SIGIRR: variants seen among roughly 807,000 people sequenced by gnomAD.
SIGIRR encodes the protein single Ig IL-1-related receptor.
A neutral mutation model predicts 45.6 loss-of-function variants in SIGIRR; 41 were observed. The observed-to-expected ratio is 0.90, with a 90% CI of 0.70 to 1.17. The LOEUF (loss-of-function observed/expected upper bound fraction) is 1.17, where lower values mean the gene tolerates loss of function less well. Ranked by LOEUF, SIGIRR falls within the 50% of genes most tolerant of loss-of-function variation. The probability of loss-of-function intolerance (pLI) is 0.00; values close to 1 mark genes in which losing one functional copy is unlikely to be tolerated. For missense variants in SIGIRR, 599 were observed against 539.6 expected, an observed-to-expected ratio of 1.11 and a Z score of -1.09; for synonymous variants, 298 against 239.0, an observed-to-expected ratio of 1.25 and a Z score of -2.28.
chr11:407,770 G>C, intron 5 of SIGIRR, 47 bp downstream of exon 5: 1 of 1,609,532 alleles, frequency 6.2e-7, no homozygotes, highest in Non-Finnish European at 8.5e-7. Flanking sequence ...CGCACTCTCA[G>C]GGAGGCCGTG....
rs753843666 is a variant in SIGIRR, at chr11:407,133, G to A, written c.657C>T (p.Ser219=). 3.2e-6 allele frequency: 5 copies of A among 1,552,940 alleles called. No individual in the cohort carries two copies. The highest frequency in any genetic ancestry group is 3.5e-6 in the Non-Finnish European group (4 of 1,156,736). The change falls in exon 7 of 10, where the codon AGC becomes AGT. Residue 219 remains serine (S), a synonymous_variant. Coordinates refer to ENST00000431843, the MANE Select transcript of SIGIRR (RefSeq NM_001135054.2). ...EPSADLLVNL[S]RCRRLIVVLS... ...GCACCACGATGAGGCGTCGGCAGCG[G>A]CTCAGGTTCACCAAGAGGTCGGCGG...
chr11:410,087 CG>C lies in SIGIRR; in HGVS notation c.-153-61del, dbSNP rs1847517091. On this transcript the variant is annotated intron_variant, in intron 1 of 9. Transcript: ENST00000431843. ...ACAGGATGAGTTAACCAGTAACTGC[CG>C]GCCACAGACAGCACTGGCCCTGACC... 4.9e-6 allele frequency: 6 copies of C among 1,227,778 alleles called. No individual in the cohort carries two copies. The South Asian group carries it at 2.5e-4, about 50-fold the overall frequency. 76.1% of individuals were successfully genotyped at this position (1,227,778 alleles called of 1,614,324 possible). A position where few individuals can be genotyped will look rare whatever the true frequency, so the allele number is the denominator to read the frequency against.
At chr11:407,621 T>G in intron 5 of SIGIRR, 53 bp from the exon 6 acceptor site, 13 of 1,588,228 alleles carry the variant, frequency 8.2e-6, no homozygotes, top group Non-Finnish European at 1.1e-5. Flanking sequence ...ACACCAGCCC[T>G]CGGGGTCCCC....
intron 2 of SIGIRR, chr11:409,312 CAG>C (rs1229151838): frequency 5.7e-6 from 2 of 352,424 alleles, no homozygotes; most frequent in African/African-American, 2.1e-5. Context: ...GGGGAATCTG[CAG>C]AGAGTGTGGG....
In SIGIRR at chr11:407,415, C is replaced by A. The variant is rs1416389931; in HGVS notation, c.625+10G>T. On this transcript the variant is annotated intron_variant, in intron 6 of 9. Coordinates refer to ENST00000431843, the MANE Select transcript of SIGIRR (RefSeq NM_001135054.2). The stretch of plus-strand genomic sequence containing the variant: ...CGGGTGGGCGGGGCACGGGGTGGGG[C>A]CCGGGATACCAGCGCGCGGCAGGAG... The A allele has an allele frequency of 6.5e-7, 1 of 1,534,834 alleles. No homozygotes were observed. The highest frequency in any genetic ancestry group is 2.0e-5 in the Admixed American group (1 of 50,562).
rs775625507 is a variant in SIGIRR at position 405,954 on chromosome 11, G to A, written c.1175C>T (p.Ser392Leu). 39 of 1,611,968 alleles carry A rather than the reference G, an allele frequency of 2.4e-5. No individual in the cohort carries two copies. Among genetic ancestry groups the A allele is most frequent in the South Asian group, 4.4e-5 (4 of 91,070 alleles). The change falls in exon 10 of 10, where the codon TCG becomes TTG. Residue 392 changes from serine to leucine, a missense_variant. By Grantham distance (145) the Ser-to-Leu change is moderately radical (BLOSUM62 -2). Coordinates refer to ENST00000431843, the MANE Select transcript of SIGIRR (RefSeq NM_001135054.2). ...GTCTGTGCGGGCACTGTAGTTTCGC[G>A]AGCCGAGATCCGAGACGTCCACTTC... ...SSEVDVSDLG[S>L]RNYSARTDFY...
At position 407,425 on chromosome 11, in the gene SIGIRR, C is replaced by A; in HGVS notation, c.625G>T (p.Glu209Ter). ...LDDRDLLPRA[E>*]PSADLLVNLS... is the part of the protein sequence containing the mutation. ...GGGCACGGGGTGGGGCCCGGGATAC[C>A]AGCGCGCGGCAGGAGGTCGCGGTCG... Residue 209 changes from glutamate to a stop codon, truncating the protein, a stop_gained and splice_region_variant, in exon 6 of 10, where the codon GAG (glutamate) becomes TAG (stop). Transcript: ENST00000431843. LOFTEE classifies it high-confidence loss of function. The A allele has an allele frequency of 6.5e-7, 1 of 1,544,534 alleles. No individual in the cohort carries two copies. The highest frequency in any genetic ancestry group is 8.7e-7 in the Non-Finnish European group (1 of 1,144,362).
In SIGIRR at chr11:408,897, AAG is replaced by A. The variant is rs1377577930; in HGVS notation, c.8-6_8-5del. 6.2e-7 allele frequency: 1 copy of A among 1,612,322 alleles called. No individual in the cohort carries two copies. Among genetic ancestry groups the A allele is most frequent in the Admixed American group, 1.7e-5 (1 of 60,012 alleles). ...TCAGGGGCCCTATCACAGACACCTG[AAG>A]AGAGAGGACACAGTGGGTCAGCTGT... On this transcript the variant is annotated splice_region_variant and splice_polypyrimidine_tract_variant and intron_variant, in intron 2 of 9. Coordinates refer to ENST00000431843, the MANE Select transcript of SIGIRR (RefSeq NM_001135054.2).
upstream of SIGIRR, among the ~76,000 whole-genome samples, chr11:416,859 G>A (rs1847899396): frequency 6.6e-6 from 1 of 152,102 alleles, no homozygotes; most frequent in Non-Finnish European, 1.5e-5. The surrounding 1 kb of genome is among the most constrained non-coding windows in gnomAD (Gnocchi z 9.1). Context: ...GGCTCGGGGC[G>A]CTCGGCCGGG....
In SIGIRR at chr11:407,559, A is replaced by T. The variant is rs758976065; in HGVS notation, c.491T>A (p.Leu164His). The change falls in exon 6 of 10, where the codon CTC becomes CAC. Residue 164 changes from leucine (L) to histidine (H), a missense_variant. Physicochemically the swap from Leu to His is moderately conservative, Grantham distance 99 (BLOSUM62 -3). Transcript: ENST00000431843. ...GCTGTAGGAGACGTAGGCGTCGTAGAGCTTCCCGTCTGCGGACGGCGGCCA... is the reference window on the plus strand; with the variant it reads ...GCTGTAGGAGACGTAGGCGTCGTAGTGCTTCCCGTCTGCGGACGGCGGCCA... ...YGEVEINDGK[L>H]YDAYVSYSDC... 4 of 1,607,702 alleles carry T rather than the reference A, an allele frequency of 2.5e-6. No individual in the cohort carries two copies. The Admixed American group carries it at 6.7e-5, about 27-fold the overall frequency.
rs746717312 is a variant in SIGIRR, at chr11:407,450, G to A, written c.600C>T (p.Asp200=). The A allele has an allele frequency of 1.9e-5, 29 of 1,556,696 alleles. No individual in the cohort carries two copies. In the African/African-American group the frequency reaches 2.7e-4, roughly 15 times the overall value. ...CAGCGCGCGGCAGGAGGTCGCGGTC[G>A]TCCAGGAAGAGCTTGTAGCCCCGAC... ...ERRRGYKLFL[D]DRDLLPRAEP... The change falls in exon 6 of 10, where the codon GAC becomes GAT. Residue 200 remains aspartate, a synonymous_variant. Transcript: ENST00000431843.
chr11:407,334 G>T lies in SIGIRR; in HGVS notation c.625+91C>A, dbSNP rs1267481525. 70 of 1,111,652 alleles carry T rather than the reference G, an allele frequency of 6.3e-5. No homozygotes were observed. In the African/African-American group the frequency reaches 1.1e-3, roughly 18 times the overall value. The allele number at this position is 1,111,652 out of a possible 1,614,324, so 68.9% of individuals were successfully genotyped here. A position where few individuals can be genotyped will look rare whatever the true frequency, so the allele number is the denominator to read the frequency against. Reference sequence around the variant, plus strand: ...GGCGGGGATGGGGGCGGAGCTCGATGGTGGGGGTGGGGCCCCGGGTGGGAC... The same window carrying T: ...GGCGGGGATGGGGGCGGAGCTCGATTGTGGGGGTGGGGCCCCGGGTGGGAC... On this transcript the variant is annotated intron_variant, in intron 6 of 9. Coordinates refer to ENST00000431843, the MANE Select transcript of SIGIRR (RefSeq NM_001135054.2).
At chr11:407,258 GA>G (rs1171852163) in intron 6 of SIGIRR, 94 bp from the exon 7 acceptor site, 2 of 620,656 alleles carry the variant, frequency 3.2e-6, no homozygotes, top group African/African-American at 4.6e-5. Flanking sequence ...AGCTCTAAGG[GA>G]GGGGCGGGGC....
chr11:410,001 G>A lies in SIGIRR; in HGVS notation c.-127C>T, dbSNP rs1324810704. 1.0e-5 allele frequency: 13 copies of A among 1,245,030 alleles called. No homozygotes were observed. Among genetic ancestry groups the A allele is most frequent in the Non-Finnish European group, 1.3e-5 (13 of 994,348 alleles). 77.1% of individuals were successfully genotyped at this position (1,245,030 alleles called of 1,614,324 possible). ...CTCCTCTCTGTCCTTGCAGTCAGCT[G>A]GACAGGGCACCTGGACAGGTCAGAG... is the stretch of plus-strand genomic sequence containing the variant. On this transcript the variant is annotated 5_prime_UTR_variant, in exon 2 of 10. Coordinates refer to ENST00000431843, the MANE Select transcript of SIGIRR (RefSeq NM_001135054.2).
chr11:408,593 A>G (rs1350526366), intron 3 of SIGIRR, 102 bp downstream of exon 3: 1 of 1,338,012 alleles, frequency 7.5e-7, no homozygotes, highest in Non-Finnish European at 1.1e-6. Flanking sequence ...TGCTCGTGAC[A>G]TGTCTGGCCA....
intron 5 of SIGIRR, 91 bp downstream of exon 5, chr11:407,726 C>T (rs1847411774): frequency 6.3e-7 from 1 of 1,580,350 alleles, no homozygotes; most frequent in Non-Finnish European, 8.6e-7. Flanking sequence ...GCTAACCCCT[C>T]CCCGCCGCAC....
chr11:416,827 C>A (rs1035494070), upstream of SIGIRR, among the ~76,000 whole-genome samples: 3 of 152,136 alleles, frequency 2.0e-5, no homozygotes, highest in African/African-American at 7.2e-5. The surrounding 1 kb of genome is among the most constrained non-coding windows in gnomAD (Gnocchi z 9.1). Flanking sequence ...AGGACGCGCG[C>A]GGGAGGCGGG....
chr11:408,785 CCA>C lies in SIGIRR; in HGVS notation c.114_115del (p.Gly39AlafsTer52). On this transcript the variant is annotated frameshift_variant, in exon 3 of 10. Transcript: ENST00000431843. LOFTEE classifies it high-confidence loss of function. ...GACTGAAGGCAGGGAGCAGTGGGGC[CCA>C]GAGACTACCCAAGCCGTGCAGTTCA... 2 of 1,612,778 alleles carry C rather than the reference CCA, an allele frequency of 1.2e-6. No individual in the cohort carries two copies. The highest frequency in any genetic ancestry group is 1.7e-6 in the Non-Finnish European group (2 of 1,179,986).
intron 1 of SIGIRR, 93 bp from the exon 2 acceptor site, chr11:410,120 G>A (rs987041444): frequency 8.1e-6 from 9 of 1,115,824 alleles, no homozygotes; most frequent in South Asian, 4.4e-5. Context: ...GACCAGATGC[G>A]ACCCTGAGCA....
Sources: allele counts gnomAD v4.1 joint callset (sites outside exome capture counted in the v4.1 genomes callset), GRCh38; gene constraint gnomAD v4.1.1; non-coding constraint Gnocchi (gnomAD v3.1); transcripts MANE v1.5; gene names NCBI Gene and HGNC (gene_info 2026-07-23, HGNC 2026-07-21).